ERCC1: variants seen among roughly 807,000 people sequenced by gnomAD.
The protein encoded by ERCC1 is DNA excision repair protein ERCC-1.
Under a neutral mutation model 37.6 loss-of-function variants are expected in ERCC1, and 36 were observed. The observed-to-expected ratio is 0.96, with a 90% CI of 0.73 to 1.26. The LOEUF (loss-of-function observed/expected upper bound fraction) is 1.26, where lower values mean the gene tolerates loss of function less well. ERCC1 is among the 50% of genes most tolerant of loss of function. The pLI is 0.00. For missense variants in ERCC1, 349 were observed against 376.5 expected (o/e 0.93, Z 0.60); for synonymous variants, 156 against 162.1 (o/e 0.96, Z 0.28).
rs1158103088 is a variant in ERCC1 at position 45,407,580 on chromosome 19, C to G, written c.*2095G>C. On this transcript the variant is annotated 3_prime_UTR_variant, in exon 10 of 10. Transcript: ENST00000300853. ...TGTTATATTTAAGTAATGGGGGCTG[C>G]ATTCTTAGGACATTTGGACATTCTG... The G allele has an allele frequency of 3.3e-6, 1 of 303,458 alleles. No individual in the cohort carries two copies. The highest frequency in any genetic ancestry group is 5.8e-5 in the East Asian group (1 of 17,264). 18.8% of individuals were successfully genotyped at this position (303,458 alleles called of 1,614,324 possible).
chr19:45,409,395 T>G lies in ERCC1; in HGVS notation c.*280A>C, dbSNP rs771482315. ...CAGGAAAGCCGGATGCCAGAGACAG[T>G]GCCCCAAGAGGAGATGCCAGGGCCG... is the stretch of plus-strand genomic sequence containing the variant. On this transcript the variant is annotated 3_prime_UTR_variant, in exon 10 of 10. Coordinates refer to ENST00000300853, the MANE Select transcript of ERCC1 (RefSeq NM_001983.4). 6.2e-7 allele frequency: 1 copy of G among 1,613,400 alleles called. No individual in the cohort carries two copies. The highest frequency in any genetic ancestry group is 2.2e-5 in the East Asian group (1 of 44,838).
At chr19:45,419,272 G>T in intron 4 of ERCC1, 75 bp from the exon 5 acceptor site, 1 of 1,011,028 alleles carries the variant, frequency 9.9e-7, no homozygotes, top group Non-Finnish European at 1.5e-6. Flanking sequence ...CCCTCTCACT[G>T]GAATACTAAG....
chr19:45,437,573 A>T (rs11880332), intron 1 of ERCC1, among the ~76,000 whole-genome samples: 4,060 of 152,284 alleles, frequency 0.027, 174 homozygotes, highest in African/African-American at 0.094. Flanking sequence ...GAACTGGAGG[A>T]CATTATTCTA....
intron 1 of ERCC1, among the ~76,000 whole-genome samples, chr19:45,448,630 T>A (rs1413710036): frequency 6.6e-6 from 1 of 152,022 alleles, no homozygotes; most frequent in Non-Finnish European, 1.5e-5. Context: ...GGAGGATCTC[T>A]TGAGCCCAGG....
At chr19:45,427,127 C>CAAACA (rs1475433667), upstream of ERCC1, among the ~76,000 whole-genome samples, 5 of 150,850 alleles carry the variant, frequency 3.3e-5, no homozygotes, top group African/African-American at 9.8e-5. Context: ...AGACCAAAAA[C>CAAACA]AAACAAAACA....
At chr19:45,446,782 G>C (rs1393825728) in intron 1 of ERCC1, among the ~76,000 whole-genome samples, 1 of 152,122 alleles carries the variant, frequency 6.6e-6, no homozygotes. Flanking sequence ...GGCAGATCAC[G>C]AGGTCAGGAA....
chr19:45,438,053 G>C (rs979409555), intron 1 of ERCC1, among the ~76,000 whole-genome samples: 1 of 151,996 alleles, frequency 6.6e-6, no homozygotes, highest in Non-Finnish European at 1.5e-5. Flanking sequence ...GACTACAGGC[G>C]TGTGAGACCA....
chr19:45,415,726 T>A (rs1204365685), intron 6 of ERCC1: 1 of 454,730 alleles, frequency 2.2e-6, no homozygotes, highest in Non-Finnish European at 4.4e-6. Context: ...TAGTAACCAC[T>A]GCTGGGCGCA....
At chr19:45,421,089 A>G (rs1599837816) in intron 3 of ERCC1, 89 bp downstream of exon 3, 5 of 1,089,608 alleles carry the variant, frequency 4.6e-6, no homozygotes, top group African/African-American at 1.5e-5. Flanking sequence ...AAGTGGCTGG[A>G]ACTCAGACCT....
At chr19:45,412,912 T>G (rs914556838) in intron 9 of ERCC1, among the ~76,000 whole-genome samples, 2 of 152,008 alleles carry the variant, frequency 1.3e-5, no homozygotes, top group African/African-American at 4.8e-5. Flanking sequence ...GCTACTTTTT[T>G]GTATTTTTAG....
rs780617744 is a variant in ERCC1 at position 45,423,761 on chromosome 19, G to A, written c.-8+20C>T. 6.7e-5 allele frequency: 77 copies of A among 1,145,888 alleles called. No individual in the cohort carries two copies. The highest frequency in any genetic ancestry group is 8.0e-5 in the Non-Finnish European group (74 of 924,270). The allele number at this position is 1,145,888 out of a possible 1,614,324, so 71.0% of individuals were successfully genotyped here. A position where few individuals can be genotyped will look rare whatever the true frequency, so the allele number is the denominator to read the frequency against. On this transcript the variant is annotated intron_variant, in intron 1 of 9. Transcript: ENST00000300853. ...GCTTCCGCGGCGCCAATCTCCACCC[G>A]CAGTCTCCGCCTCCCGCACCTGTGG...
intron 1 of ERCC1, among the ~76,000 whole-genome samples, chr19:45,433,387 G>T (rs755930335): frequency 6.6e-6 from 1 of 151,602 alleles, no homozygotes; most frequent in Non-Finnish European, 1.5e-5. Context: ...TTAGCCAGGC[G>T]TGGTGGCATG....
chr19:45,450,647 T>G (rs760689588), intron 1 of ERCC1: 2 of 151,824 alleles, frequency 1.3e-5, no homozygotes, highest in African/African-American at 2.4e-5. Flanking sequence ...GCACCTGTAA[T>G]CCCAACTACT....
Position 45,407,827 on chromosome 19 carries a change from GAGC to G in ERCC1, c.*1845_*1847del, listed in dbSNP as rs1973436192. 1 of 279,530 alleles carries G rather than the reference GAGC, an allele frequency of 3.6e-6. No individual in the cohort carries two copies. The highest frequency in any genetic ancestry group is 6.7e-6 in the Non-Finnish European group (1 of 148,764). 17.3% of individuals were successfully genotyped at this position (279,530 alleles called of 1,614,324 possible). On this transcript the variant is annotated 3_prime_UTR_variant, in exon 10 of 10. Coordinates refer to ENST00000300853, the MANE Select transcript of ERCC1 (RefSeq NM_001983.4). Reference sequence around the variant, plus strand: ...ATCCCATCCTTTGGGAGGCCGAGGCGAGCAGATCACTTGAGGTCAGGAGTTCAA... The same window carrying G: ...ATCCCATCCTTTGGGAGGCCGAGGCGAGATCACTTGAGGTCAGGAGTTCAA...
rs1404969416 is a variant in ERCC1 at position 45,408,273 on chromosome 19, G to A, written c.*1402C>T. 1.9e-6 allele frequency: 3 copies of A among 1,614,002 alleles called. No homozygotes were observed. The African/African-American group carries it at 4.0e-5, about 22-fold the overall frequency. Reference sequence around the variant, plus strand: ...CTGCTGGCCCCCTCAACGGAGGCAGGAGGTGGACTCACCTGTGCCTCAGCC... The same window carrying A: ...CTGCTGGCCCCCTCAACGGAGGCAGAAGGTGGACTCACCTGTGCCTCAGCC... On this transcript the variant is annotated 3_prime_UTR_variant, in exon 10 of 10. Coordinates refer to ENST00000300853, the MANE Select transcript of ERCC1 (RefSeq NM_001983.4).
intron 2 of ERCC1, 87 bp downstream of exon 2, chr19:45,423,183 C>T (rs1974544163): frequency 1.5e-6 from 2 of 1,362,934 alleles, no homozygotes; most frequent in Non-Finnish European, 2.0e-6. Flanking sequence ...ATCCACTAAC[C>T]CACACCCTGG....
chr19:45,450,615 C>T (rs546265767), intron 1 of ERCC1: 2 of 152,230 alleles, frequency 1.3e-5, no homozygotes, highest in Admixed American at 6.5e-5. Context: ...ACTAAAAATA[C>T]AAAAATTGGT....
intron 1 of ERCC1, among the ~76,000 whole-genome samples, chr19:45,442,220 G>A (rs919439095): frequency 6.6e-6 from 1 of 151,388 alleles, no homozygotes; most frequent in African/African-American, 2.4e-5. Context: ...GGAGGCTGAG[G>A]TGGGTGGGAG....
upstream of ERCC1, among the ~76,000 whole-genome samples, chr19:45,426,013 G>A (rs1430768616): frequency 6.6e-6 from 1 of 151,622 alleles, no homozygotes; most frequent in Non-Finnish European, 1.5e-5. Flanking sequence ...GGAGGCCTAG[G>A]CGGGTGGATC....
Sources: gnomAD v4.1 joint callset for allele counts (sites outside exome capture counted in the v4.1 genomes callset) on GRCh38, gnomAD v4.1.1 for gene constraint, MANE v1.5 for transcripts, NCBI Gene and HGNC (gene_info 2026-07-23, HGNC 2026-07-21) for gene names.